KIF24: variants seen among roughly 807,000 people sequenced by gnomAD.
The protein encoded by KIF24 is kinesin-like protein KIF24.
In KIF24, 81 loss-of-function variants were observed where a neutral mutation model predicts 118.9. That is an observed-to-expected ratio of 0.68 (90% CI 0.57 to 0.82). The LOEUF is 0.82. Ranked by LOEUF, KIF24 falls within the 40% of genes least tolerant of loss-of-function variation. KIF24 has a pLI of 0.00. For missense variants in KIF24, 1,560 were observed against 1,661.6 expected, an observed-to-expected ratio of 0.94 and a Z score of 1.06; for synonymous variants, 599 against 610.0, an observed-to-expected ratio of 0.98 and a Z score of 0.27.
At chr9:34,291,020 T>C (rs1033048643) in intron 4 of KIF24, among the ~76,000 whole-genome samples, 4 of 152,316 alleles carry the variant, frequency 2.6e-5, no homozygotes, top group African/African-American at 9.6e-5. Context: ...TCCTACCCCA[T>C]GCTAGGTGCT....
chr9:34,286,845 C>A, intron 5 of KIF24, 141 bp from the exon 6 acceptor site: 4 of 635,974 alleles, frequency 6.3e-6, no homozygotes, highest in Non-Finnish European at 2.8e-6. Flanking sequence ...CTCCTCCCAA[C>A]CCCACCCTCC....
rs1030170955 is a variant in KIF24, at chr9:34,297,378, G to A, written c.814-264C>T. 2.0e-5 allele frequency among the ~76,000 whole-genome samples: 3 copies of A among 152,174 alleles called. No individual in the cohort carries two copies. In the South Asian group the frequency reaches 6.2e-4, roughly 32 times the overall value. Reference sequence around the variant, plus strand: ...GAGAAGTAAATTGATAAACACAAGAGTGAGTCAATCCTCCTTAGGTCTAGG... The same window carrying A: ...GAGAAGTAAATTGATAAACACAAGAATGAGTCAATCCTCCTTAGGTCTAGG... On this transcript the variant is annotated intron_variant, in intron 3 of 12. Coordinates refer to ENST00000402558, the MANE Select transcript of KIF24 (RefSeq NM_194313.4).
In KIF24 at chr9:34,310,872, C is replaced by T. The variant is rs1837110897; in HGVS notation, c.475G>A (p.Gly159Ser). 1.2e-6 allele frequency: 2 copies of T among 1,613,848 alleles called. No homozygotes were observed. Among genetic ancestry groups the T allele is most frequent in the African/African-American group, 1.3e-5 (1 of 74,912 alleles). ...ATTTCTGTTTGCACATAGGAATCAC[C>T]AGCTGTGGCATTCAGAATTCCTGTT... is the stretch of plus-strand genomic sequence containing the variant. ...TKTGILNATA[G>S]DSYVQTEIST... is the part of the protein sequence containing the mutation. Residue 159 changes from glycine to serine, a missense_variant, in exon 2 of 13, where the codon GGT becomes AGT. Transcript: ENST00000402558.
intron 9 of KIF24, among the ~76,000 whole-genome samples, chr9:34,262,676 A>T (rs1170844799): frequency 7.5e-5 from 1 of 13,246 alleles, no homozygotes; most frequent in African/African-American, 4.2e-4. Flanking sequence ...AAAAAAAAAA[A>T]TATATATATA....
At chr9:34,328,826 G>C (rs1200574841) in intron 1 of KIF24, among the ~76,000 whole-genome samples, 3 of 152,248 alleles carry the variant, frequency 2.0e-5, no homozygotes, top group Non-Finnish European at 4.4e-5. Context: ...AGGCTTATCG[G>C]TTCAAAAGCA....
chr9:34,326,337 G>C (rs1473520713), intron 1 of KIF24, among the ~76,000 whole-genome samples: 1 of 152,132 alleles, frequency 6.6e-6, no homozygotes, highest in Non-Finnish European at 1.5e-5. Flanking sequence ...GGGCAACAGG[G>C]CGACAGAGTA....
At chr9:34,264,123 TAAAAG>T (rs1264614209) in intron 8 of KIF24, among the ~76,000 whole-genome samples, 1 of 151,490 alleles carries the variant, frequency 6.6e-6, no homozygotes, top group East Asian at 2.0e-4. Flanking sequence ...TAAAAGATAG[TAAAAG>T]AAAAGAAAAG....
chr9:34,319,311 C>A (rs1260543764), intron 1 of KIF24: 1 of 950,990 alleles, frequency 1.1e-6, no homozygotes, highest in Admixed American at 1.8e-5. Context: ...CTGTCGCCAT[C>A]TCCTTGCCCA....
intron 1 of KIF24, among the ~76,000 whole-genome samples, chr9:34,311,681 T>TATATATACATATATATGTAC (rs1563961425): frequency 8.7e-6 from 1 of 115,470 alleles, no homozygotes; most frequent in Non-Finnish European, 1.9e-5. Context: ...TGTATATGTA[T>TATATATACATATATATGTAC]ATATATACGT....
At chr9:34,258,177 G>T (rs1366013876) in intron 10 of KIF24, among the ~76,000 whole-genome samples, 196 bp from the exon 11 acceptor site, 1 of 152,180 alleles carries the variant, frequency 6.6e-6, no homozygotes, top group African/African-American at 2.4e-5. Context: ...GAATGAAAAA[G>T]AGCAGTGTTG....
intron 3 of KIF24, among the ~76,000 whole-genome samples, chr9:34,303,576 G>A (rs1444907777): frequency 6.6e-6 from 1 of 152,182 alleles, no homozygotes; most frequent in African/African-American, 2.4e-5. Flanking sequence ...CAGGCCAGGC[G>A]TGGTGGCTCA....
At chr9:34,273,196 C>T (rs1402729565) in intron 6 of KIF24, among the ~76,000 whole-genome samples, 15 of 148,062 alleles carry the variant, frequency 1.0e-4, no homozygotes, top group African/African-American at 2.2e-4. Context: ...TTTTTTTTTT[C>T]TAATAAAAAA....
intron 1 of KIF24, among the ~76,000 whole-genome samples, chr9:34,326,324 T>C (rs1231902885): frequency 6.6e-6 from 1 of 152,102 alleles, no homozygotes; most frequent in East Asian, 1.9e-4. Flanking sequence ...TGCAGTTCAG[T>C]GTGGGCAACA....
intron 1 of KIF24, among the ~76,000 whole-genome samples, chr9:34,324,758 A>G (rs1837624553): frequency 6.6e-6 from 1 of 152,150 alleles, no homozygotes; most frequent in African/African-American, 2.4e-5. Context: ...CAGTTTAGTC[A>G]ACTTCTTAGA....
intron 1 of KIF24, among the ~76,000 whole-genome samples, chr9:34,323,487 G>T (rs1837583044): frequency 6.6e-6 from 1 of 152,212 alleles, no homozygotes; most frequent in African/African-American, 2.4e-5. Context: ...AGACTTCTCA[G>T]TAACAGGTGG....
rs1835170639 is a variant in KIF24 at position 34,263,462 on chromosome 9, A to G, written c.1444-290T>C. 2.0e-5 allele frequency among the ~76,000 whole-genome samples: 3 copies of G among 152,150 alleles called. No homozygotes were observed. The South Asian group carries it at 6.2e-4, about 32-fold the overall frequency. On this transcript the variant is annotated intron_variant, in intron 8 of 12. Coordinates refer to ENST00000402558, the MANE Select transcript of KIF24 (RefSeq NM_194313.4). ...AGACAGACGCTGGGACCTACCCTCAAGTCCCAGAGTTCAAGCTCATGTGGT... is the reference window on the plus strand; with the variant it reads ...AGACAGACGCTGGGACCTACCCTCAGGTCCCAGAGTTCAAGCTCATGTGGT...
intron 7 of KIF24, among the ~76,000 whole-genome samples, 193 bp from the exon 8 acceptor site, chr9:34,269,555 G>A (rs1835424096): frequency 6.6e-6 from 1 of 152,052 alleles, no homozygotes; most frequent in African/African-American, 2.4e-5. Context: ...GAGTAGCTGG[G>A]ACTACAGGCG....
intron 9 of KIF24, among the ~76,000 whole-genome samples, chr9:34,262,772 G>T (rs539199753): frequency 1.4e-5 from 2 of 144,938 alleles, no homozygotes; most frequent in Non-Finnish European, 3.0e-5. Flanking sequence ...GAGGTGGGAG[G>T]ATTGCTTGAG....
chr9:34,271,271 A>C (rs1392300094), intron 7 of KIF24, among the ~76,000 whole-genome samples: 1 of 151,132 alleles, frequency 6.6e-6, no homozygotes, highest in East Asian at 1.9e-4. Context: ...AATGCTAATC[A>C]CTTAAGTAAC....
Sources: gnomAD v4.1 joint callset for allele counts (sites outside exome capture counted in the v4.1 genomes callset) on GRCh38, gnomAD v4.1.1 for gene constraint, MANE v1.5 for transcripts, NCBI Gene and HGNC (gene_info 2026-07-23, HGNC 2026-07-21) for gene names.